Variants in PIGN observed in about 807,000 individuals in gnomAD.
PIGN encodes the protein GPI ethanolamine phosphate transferase 1.
In PIGN, 117 loss-of-function variants were observed where a neutral mutation model predicts 125.4. The ratio of observed to expected loss-of-function variants is 0.93; its 90% confidence interval spans 0.80 to 1.09. The LOEUF is 1.09. PIGN is among the 50% of genes least tolerant of loss of function. The pLI, the probability that PIGN is intolerant of heterozygous loss-of-function variation, is 0.00. For missense variants in PIGN, 1,075 were observed against 1,094.9 expected, an observed-to-expected ratio of 0.98 and a Z score of 0.26; for synonymous variants, 392 against 377.8, an observed-to-expected ratio of 1.04 and a Z score of -0.44.
At chr18:62,156,001 T>A (rs2036718815) in intron 6 of PIGN, among the ~76,000 whole-genome samples, 1 of 152,206 alleles carries the variant, frequency 6.6e-6, no homozygotes, top group Non-Finnish European at 1.5e-5. Context: ...CTTCAATAGT[T>A]CCCATTATTT....
chr18:62,155,375 T>C (rs2036688991), intron 6 of PIGN, among the ~76,000 whole-genome samples: 1 of 151,872 alleles, frequency 6.6e-6, no homozygotes, highest in Non-Finnish European at 1.5e-5. Flanking sequence ...GAGACCCCCC[T>C]GGCCAACATG....
chr18:62,146,016 C>A lies in PIGN; in HGVS notation c.815G>T (p.Gly272Val). The change falls in exon 10 of 31, where the codon GGG (glycine) becomes GTG (valine). Residue 272 changes from glycine (G) to valine (V), a missense_variant. By Grantham distance (109) the Gly-to-Val change is moderately radical (BLOSUM62 -3). This residue lies in a region of PIGN where 915 missense variants were observed against 908.7 expected (regional missense o/e 1.01). Coordinates refer to ENST00000640252, the MANE Select transcript of PIGN (RefSeq NM_176787.5). ...TAAAGTCTCTGAAGGATGACCAGCC[C>A]CATGGGAACCTACAAATAAGATATA... ...DHGMTDWGSH[G>V]AGHPSETLTP... is the part of the protein sequence containing the mutation. The A allele has an allele frequency of 6.6e-7, 1 of 1,503,872 alleles. No homozygotes were observed. Among genetic ancestry groups the A allele is most frequent in the Non-Finnish European group, 9.1e-7 (1 of 1,098,228 alleles). 93.2% of individuals were successfully genotyped at this position (1,503,872 alleles called of 1,614,324 possible). A position where few individuals can be genotyped will look rare whatever the true frequency, so the allele number is the denominator to read the frequency against.
chr18:62,072,679 C>A lies in PIGN; in HGVS notation c.2666G>T (p.Gly889Val), dbSNP rs779410285. Residue 889 changes from glycine (G) to valine (V), a missense_variant, in exon 30 of 31, where the codon GGG becomes GTG. Gly to Val is a moderately radical substitution (Grantham distance 109, BLOSUM62 -3). Transcript: ENST00000640252. ...VKDYGSWLDI[G>V]TSISHYVIVM... ...ATGACCATATATACTATACCTTGTC[C>A]CAATATCAAGCCAGCTGCCATAATC... 1.2e-6 allele frequency: 2 copies of A among 1,604,694 alleles called. No homozygotes were observed. The highest frequency in any genetic ancestry group is 2.7e-5 in the African/African-American group (2 of 74,494).
At chr18:62,017,620 G>T (rs985638037) in intron 24 of PIGN, 1 of 152,088 alleles carries the variant, frequency 6.6e-6, no homozygotes, top group Non-Finnish European at 1.5e-5. Context: ...GGTGCCAGGG[G>T]TAACTCACCC....
At chr18:62,180,287 T>C (rs897397340) in intron 1 of PIGN, among the ~76,000 whole-genome samples, 11 of 152,326 alleles carry the variant, frequency 7.2e-5, no homozygotes, top group African/African-American at 2.4e-4. Context: ...TTTTCCTGTG[T>C]ATCCACGCAT....
chr18:62,098,035 C>G (rs1305562135), intron 22 of PIGN, among the ~76,000 whole-genome samples: 1 of 152,198 alleles, frequency 6.6e-6, no homozygotes, highest in Non-Finnish European at 1.5e-5. Context: ...AGTTCATTAA[C>G]TGATCCAAGC....
At chr18:62,150,697 T>G (rs1243567218) in intron 7 of PIGN, among the ~76,000 whole-genome samples, 1 of 151,392 alleles carries the variant, frequency 6.6e-6, no homozygotes, top group South Asian at 2.1e-4. Flanking sequence ...GAGTTATTTT[T>G]TTTGTTTGTT....
intron 16 of PIGN, chr18:62,110,258 C>A: frequency 4.0e-6 from 1 of 249,184 alleles, no homozygotes; most frequent in Admixed American, 6.1e-5. Context: ...GTTCAGAATT[C>A]TGAACATGTT....
chr18:62,041,637 CCGGG>C lies in PIGN; in HGVS notation c.*4215_*4218del, dbSNP rs2030373439. 1.1e-5 allele frequency: 1 copy of C among 94,232 alleles called. No homozygotes were observed. Among genetic ancestry groups the C allele is most frequent in the Non-Finnish European group, 2.3e-5 (1 of 42,776 alleles). 5.8% of individuals were successfully genotyped at this position (94,232 alleles called of 1,614,324 possible). ...AGGATTACAGGAGCCTACCACCCCG[CCGGG>C]TGTGTGTGTGTGTGTGTGTGTGTGT... On this transcript the variant is annotated 3_prime_UTR_variant, in exon 31 of 31. Transcript: ENST00000640252.
chr18:62,135,185 G>A (rs924738815), intron 14 of PIGN, among the ~76,000 whole-genome samples: 1 of 152,008 alleles, frequency 6.6e-6, no homozygotes, highest in African/African-American at 2.4e-5. Flanking sequence ...CAAAGTTAAT[G>A]CTGCTTTTGT....
Position 62,164,714 on chromosome 18 carries a change from GTTGA to G in PIGN, c.-235-1062_-235-1059del, listed in dbSNP as rs376474022. On this transcript the variant is annotated intron_variant, in intron 1 of 30. Coordinates refer to ENST00000640252, the MANE Select transcript of PIGN (RefSeq NM_176787.5). ...TATCACACAGTAATACATACATTATGTTGATTATTATCACACATAATCATTATTA... is the reference window on the plus strand; with the variant it reads ...TATCACACAGTAATACATACATTATGTTATTATCACACATAATCATTATTA... Among the ~76,000 whole-genome samples, 426 of 152,210 alleles carry G rather than the reference GTTGA, an allele frequency of 2.8e-3. 3 individuals carry two copies. Among genetic ancestry groups the G allele is most frequent in the Non-Finnish European group, 4.2e-3 (287 of 68,022 alleles).
At chr18:62,057,701 G>T (rs145507457) in intron 30 of PIGN, among the ~76,000 whole-genome samples, 9 of 152,252 alleles carry the variant, frequency 5.9e-5, no homozygotes, top group African/African-American at 2.2e-4. Context: ...TCTTTACAAT[G>T]ACTTTCAAAG....
At chr18:62,116,354 C>G (rs1451400236) in intron 14 of PIGN, among the ~76,000 whole-genome samples, 3 of 152,138 alleles carry the variant, frequency 2.0e-5, no homozygotes, top group African/African-American at 7.2e-5. Flanking sequence ...TGATTGCATC[C>G]TCTCACTTAC....
At chr18:62,034,928 T>A (rs2030238696) in intron 23 of PIGN, among the ~76,000 whole-genome samples, 1 of 152,080 alleles carries the variant, frequency 6.6e-6, no homozygotes, top group African/African-American at 2.4e-5. Flanking sequence ...CGGGGGAGAA[T>A]GCTATGGTTT....
At chr18:62,022,961 T>G (rs1342552633) in intron 23 of PIGN, among the ~76,000 whole-genome samples, 1 of 152,230 alleles carries the variant, frequency 6.6e-6, no homozygotes, top group Non-Finnish European at 1.5e-5. Flanking sequence ...TTATAATGAC[T>G]TATACAATGT....
In PIGN at chr18:62,044,837, T is replaced by C. The variant is rs1366256978; in HGVS notation, c.*1019A>G. The stretch of plus-strand genomic sequence containing the variant: ...CCAACTCTGCAGGGATATGTAAAGG[T>C]CATTTTATGGATAATCCATATAAAA... On this transcript the variant is annotated 3_prime_UTR_variant, in exon 31 of 31. Transcript: ENST00000640252. 6.6e-6 allele frequency: 1 copy of C among 152,202 alleles called. No individual in the cohort carries two copies. The highest frequency in any genetic ancestry group is 2.4e-5 in the African/African-American group (1 of 41,434). The allele number at this position is 152,202 out of a possible 1,614,324, so 9.4% of individuals were successfully genotyped here. A position where few individuals can be genotyped will look rare whatever the true frequency, so the allele number is the denominator to read the frequency against.
At chr18:62,175,745 C>T (rs927598631) in intron 1 of PIGN, among the ~76,000 whole-genome samples, 7 of 152,138 alleles carry the variant, frequency 4.6e-5, no homozygotes, top group African/African-American at 1.7e-4. Context: ...CACCACCTAA[C>T]GGCATAGTGC....
intron 25 of PIGN, among the ~76,000 whole-genome samples, chr18:62,087,134 G>A (rs770641362): frequency 2.0e-5 from 3 of 152,066 alleles, no homozygotes; most frequent in Non-Finnish European, 4.4e-5. Flanking sequence ...AGGAAAATAT[G>A]GCATAAACCA....
chr18:62,074,817 A>C lies in PIGN; in HGVS notation c.2581T>G (p.Phe861Val). Residue 861 changes from phenylalanine to valine, a missense_variant, in exon 29 of 31, where the codon TTT becomes GTT. Phe to Val is a conservative substitution (Grantham distance 50). Around this residue, in one of 3 missense-constraint regions of PIGN, gnomAD observed 915 missense variants for 908.7 expected, o/e 1.01. Coordinates refer to ENST00000640252, the MANE Select transcript of PIGN (RefSeq NM_176787.5). ...LTTQLSSKSL[F>V]LIVLVISDIM... The stretch of plus-strand genomic sequence containing the variant: ...TCTGATATGACGAGAACAATGAGAA[A>C]AAGGCTGGAAAAAAAAAGAAGGAAA... 6.2e-7 allele frequency: 1 copy of C among 1,605,038 alleles called. No individual in the cohort carries two copies. The highest frequency in any genetic ancestry group is 8.5e-7 in the Non-Finnish European group (1 of 1,173,490).
Sources: gnomAD v4.1 joint callset for allele counts (sites outside exome capture counted in the v4.1 genomes callset) on GRCh38, gnomAD v4.1.1 for gene constraint, gnomAD v4.1.1 regional missense constraint, MANE v1.5 for transcripts, NCBI Gene and HGNC (gene_info 2026-07-23, HGNC 2026-07-21) for gene names.